Variants in TRIM33 observed in about 807,000 individuals in gnomAD.
TRIM33 encodes tripartite motif containing 33.
Under a neutral mutation model 125.4 loss-of-function variants are expected in TRIM33, and 20 were observed. That is an observed-to-expected ratio of 0.16 (90% CI 0.11 to 0.23). The LOEUF (loss-of-function observed/expected upper bound fraction) is 0.23. TRIM33 is among the 10% of genes least tolerant of loss of function. TRIM33 has a pLI of 1.00. For missense variants in TRIM33, 920 were observed against 1,411.4 expected, an observed-to-expected ratio of 0.65 and a Z score of 5.58; for synonymous variants, 564 against 513.9, an observed-to-expected ratio of 1.10 and a Z score of -1.32.
chr1:114,404,465 C>T (rs975140477), intron 15 of TRIM33: 1 of 152,142 alleles, frequency 6.6e-6, no homozygotes, highest in Non-Finnish European at 1.5e-5. Context: ...CAACATTTTA[C>T]AACCCTTTCA....
Position 114,430,783 on chromosome 1 carries a change from G to T in TRIM33, c.1155+15C>A, listed in dbSNP as rs755827961. 3 of 1,378,440 alleles carry T rather than the reference G, an allele frequency of 2.2e-6. No homozygotes were observed. The highest frequency in any genetic ancestry group is 1.0e-6 in the Non-Finnish European group (1 of 967,848). 85.4% of individuals were successfully genotyped at this position (1,378,440 alleles called of 1,614,324 possible). A position where few individuals can be genotyped will look rare whatever the true frequency, so the allele number is the denominator to read the frequency against. ...AGAGAAGCAGTTTTTGTTTTATTTT[G>T]GCTTTGAACCATACCTCTAGCTGTT... On this transcript the variant is annotated intron_variant, in intron 6 of 19. Coordinates refer to ENST00000358465, the MANE Select transcript of TRIM33 (RefSeq NM_015906.4).
chr1:114,433,771 T>C (rs1025783050), intron 4 of TRIM33, 38 bp from the exon 5 acceptor site: 1 of 1,262,522 alleles, frequency 7.9e-7, no homozygotes, highest in East Asian at 2.3e-5. Flanking sequence ...AAACAAAACA[T>C]TTATGATTAA....
chr1:114,412,589 T>C (rs931840703), intron 11 of TRIM33, among the ~76,000 whole-genome samples: 4 of 152,224 alleles, frequency 2.6e-5, no homozygotes, highest in South Asian at 2.1e-4. Flanking sequence ...AGTTTTTTTT[T>C]CCAGAGTTTT....
chr1:114,485,061 A>AT (rs1052282352), intron 1 of TRIM33, among the ~76,000 whole-genome samples: 5 of 152,042 alleles, frequency 3.3e-5, no homozygotes, highest in Admixed American at 1.3e-4. Flanking sequence ...TTTAAAAAAA[A>AT]AAAAAGTACG....
intron 11 of TRIM33, among the ~76,000 whole-genome samples, chr1:114,411,343 G>A (rs1357565147): frequency 6.6e-6 from 1 of 152,138 alleles, no homozygotes; most frequent in Non-Finnish European, 1.5e-5. Flanking sequence ...ACCCATGCCA[G>A]AGACATGAAG....
Position 114,471,846 on chromosome 1 carries a change from TA to T in TRIM33, c.527-7459del, listed in dbSNP as rs1405765960. On this transcript the variant is annotated intron_variant, in intron 1 of 19. Transcript: ENST00000358465. ...CAAAAATGGAAAACATGTTATTTTA[TA>T]AAAAATTGAATGGTTGTCAAGCTCA... Among the ~76,000 whole-genome samples the T allele has an allele frequency of 1.3e-5, 2 of 152,172 alleles. 1 individual carries two copies. The highest frequency in any genetic ancestry group is 4.8e-5 in the African/African-American group (2 of 41,452).
intron 18 of TRIM33, 53 bp downstream of exon 18, chr1:114,399,404 G>A: frequency 1.3e-6 from 2 of 1,522,392 alleles, no homozygotes; most frequent in Non-Finnish European, 1.8e-6. Flanking sequence ...ATAAAACAAG[G>A]AAACAAACAA....
intron 11 of TRIM33, among the ~76,000 whole-genome samples, chr1:114,414,027 GCA>G (rs3077592): frequency 0.33 from 43,469 of 130,256 alleles, 7,057 homozygotes; most frequent in East Asian, 0.52. Context: ...TAAATCACAG[GCA>G]CACACACACA....
chr1:114,457,788 C>A (rs908079724), intron 4 of TRIM33, among the ~76,000 whole-genome samples: 1 of 152,158 alleles, frequency 6.6e-6, no homozygotes, highest in Non-Finnish European at 1.5e-5. Context: ...TGGAGGGCCA[C>A]CACTGTGATT....
chr1:114,509,371 C>T (rs551197178), intron 1 of TRIM33, among the ~76,000 whole-genome samples: 1 of 152,244 alleles, frequency 6.6e-6, no homozygotes, highest in South Asian at 2.1e-4. Context: ...ATCGTCTATC[C>T]CATTAGCGTG....
intron 1 of TRIM33, among the ~76,000 whole-genome samples, chr1:114,506,890 AG>A (rs554396101): frequency 7.6e-4 from 116 of 152,292 alleles, no homozygotes; most frequent in African/African-American, 2.7e-3. Flanking sequence ...TCAAAATCAC[AG>A]GGCACCTGTT....
chr1:114,493,846 G>C (rs1052008276), intron 1 of TRIM33, among the ~76,000 whole-genome samples: 3 of 152,026 alleles, frequency 2.0e-5, no homozygotes, highest in Non-Finnish European at 2.9e-5. Context: ...TTTCTTTTTT[G>C]AGATGGAGTC....
At chr1:114,495,413 T>A (rs955336118) in intron 1 of TRIM33, among the ~76,000 whole-genome samples, 1 of 152,188 alleles carries the variant, frequency 6.6e-6, no homozygotes, top group African/African-American at 2.4e-5. Context: ...GATAATATTA[T>A]CACCCTGAAA....
intron 4 of TRIM33, among the ~76,000 whole-genome samples, chr1:114,435,877 C>CTTTTTTTTTT (rs34327766): frequency 9.5e-5 from 7 of 73,340 alleles, no homozygotes; most frequent in African/African-American, 2.6e-4. Flanking sequence ...TAGACACCCG[C>CTTTTTTTTTT]TTTTTTTTTT....
At chr1:114,410,138 G>A (rs754039448) in intron 12 of TRIM33, 46 bp downstream of exon 12, 1 of 1,606,974 alleles carries the variant, frequency 6.2e-7, no homozygotes, top group South Asian at 1.1e-5. Flanking sequence ...TACTGACACT[G>A]TTTTTTTAAG....
At chr1:114,427,489 T>C (rs1223840904) in intron 7 of TRIM33, among the ~76,000 whole-genome samples, 195 bp from the exon 8 acceptor site, 1 of 152,190 alleles carries the variant, frequency 6.6e-6, no homozygotes, top group East Asian at 1.9e-4. Context: ...ATAAAGTGCA[T>C]TAAGATACTA....
chr1:114,422,077 T>C (rs1285807548), intron 10 of TRIM33, among the ~76,000 whole-genome samples: 3 of 152,220 alleles, frequency 2.0e-5, no homozygotes, highest in Non-Finnish European at 4.4e-5. Context: ...CAGCAAGTCC[T>C]GACTCTAATA....
chr1:114,411,680 A>G (rs975347673), intron 11 of TRIM33, among the ~76,000 whole-genome samples: 4 of 152,216 alleles, frequency 2.6e-5, no homozygotes, highest in African/African-American at 9.7e-5. Context: ...TGCTAGAAAG[A>G]TAACTCTAAG....
chr1:114,413,578 AGAAAAG>A (rs1652729517), intron 11 of TRIM33, among the ~76,000 whole-genome samples: 10 of 132,216 alleles, frequency 7.6e-5, no homozygotes, highest in African/African-American at 2.9e-4. Flanking sequence ...AAAAAAGAAA[AGAAAAG>A]AAAAAGACTT....
Sources: allele counts gnomAD v4.1 joint callset (sites outside exome capture counted in the v4.1 genomes callset), GRCh38; gene constraint gnomAD v4.1.1; transcripts MANE v1.5; gene names NCBI Gene and HGNC (gene_info 2026-07-23, HGNC 2026-07-21).